CASP1: variants seen among roughly 807,000 people sequenced by gnomAD.
CASP1 encodes the protein caspase-1.
In CASP1, 31 loss-of-function variants were observed where a neutral mutation model predicts 41.2. That is an observed-to-expected ratio of 0.75 (90% CI 0.57 to 1.02). CASP1 has a LOEUF of 1.02. Ranked by LOEUF, CASP1 falls within the 50% of genes least tolerant of loss-of-function variation. CASP1 has a pLI of 0.00. For missense variants in CASP1, 490 were observed against 495.7 expected, an observed-to-expected ratio of 0.99 and a Z score of 0.11; for synonymous variants, 163 against 166.5, an observed-to-expected ratio of 0.98 and a Z score of 0.16.
rs900315276 is a variant in CASP1 at position 105,027,241 on chromosome 11, G to T, written c.1007-290C>A. On this transcript the variant is annotated intron_variant, in intron 7 of 8. Transcript: ENST00000533400. ...ATGGTAATAACTCCATACACAAGAG[G>T]TATCTGAGGTCACGCAAGTGTTTGA... 60 of 576,538 alleles carry T rather than the reference G, an allele frequency of 1.0e-4. No individual in the cohort carries two copies. The East Asian group carries it at 1.5e-3, about 14-fold the overall frequency. 35.7% of individuals were successfully genotyped at this position (576,538 alleles called of 1,614,324 possible). A position where few individuals can be genotyped will look rare whatever the true frequency, so the allele number is the denominator to read the frequency against.
intron 3 of CASP1, among the ~76,000 whole-genome samples, chr11:105,031,723 T>C (rs1243749710): frequency 6.6e-6 from 1 of 152,236 alleles, no homozygotes; most frequent in East Asian, 1.9e-4. Context: ...TTTATCTTTT[T>C]ATTTATTTAC....
chr11:105,030,619 C>T, intron 4 of CASP1, 116 bp from the exon 5 acceptor site: 1 of 810,030 alleles, frequency 1.2e-6, no homozygotes, highest in Non-Finnish European at 1.9e-6. Context: ...ACCCCATGAA[C>T]CATACATTGA....
At chr11:105,032,934 T>G in intron 3 of CASP1, 130 bp downstream of exon 3, 1 of 634,274 alleles carries the variant, frequency 1.6e-6, no homozygotes. Context: ...CAGAATAGAT[T>G]ACAAAAAGAA....
upstream of CASP1, among the ~76,000 whole-genome samples, chr11:105,035,777 A>T (rs1478344736): frequency 1.3e-5 from 2 of 151,922 alleles, no homozygotes; most frequent in Non-Finnish European, 2.9e-5. Context: ...CACCATGGCC[A>T]GCTAATATTT....
Position 105,029,234 on chromosome 11 carries a change from A to C in CASP1, c.896T>G (p.Val299Gly), listed in dbSNP as rs1265447738. 1.2e-6 allele frequency: 2 copies of C among 1,613,164 alleles called. No individual in the cohort carries two copies. The highest frequency in any genetic ancestry group is 2.2e-5 in the South Asian group (2 of 91,060). Reference protein sequence around the residue: ...SPGVVWFKDSVGVSGNLSLPT... With the variant: ...SPGVVWFKDSGGVSGNLSLPT... ...TAAAGATAGGTTTCCAGAAACTCCTACTGAATCTTTAAACCACACCACACC... is the reference window on the plus strand; with the variant it reads ...TAAAGATAGGTTTCCAGAAACTCCTCCTGAATCTTTAAACCACACCACACC... The change falls in exon 7 of 9, where the codon GTA becomes GGA. Residue 299 changes from valine to glycine, a missense_variant. Physicochemically the swap from Val to Gly is moderately radical, Grantham distance 109. Transcript: ENST00000533400.
intron 2 of CASP1, chr11:105,033,757 T>C (rs975551934): frequency 1.2e-4 from 44 of 375,794 alleles, no homozygotes; most frequent in African/African-American, 8.5e-4. Context: ...AAATATATTT[T>C]ATTCTTTTGG....
chr11:105,031,130 C>T (rs369343501), intron 4 of CASP1, 35 bp downstream of exon 4: 2 of 1,227,656 alleles, frequency 1.6e-6, no homozygotes, highest in South Asian at 1.2e-5. Context: ...GTGTTTCTTT[C>T]ACCCCACTCT....
chr11:105,030,915 A>C (rs892880790), intron 4 of CASP1: 3 of 442,882 alleles, frequency 6.8e-6, no homozygotes, highest in Non-Finnish European at 1.2e-5. Flanking sequence ...GCTTAGAACA[A>C]TGCCCATTCT....
At chr11:105,032,859 A>G (rs1265908598) in intron 3 of CASP1, among the ~76,000 whole-genome samples, 1 of 152,174 alleles carries the variant, frequency 6.6e-6, no homozygotes, top group East Asian at 1.9e-4. Flanking sequence ...AGGATTTGAG[A>G]CACAGATTCA....
intron 7 of CASP1, among the ~76,000 whole-genome samples, chr11:105,027,471 T>C (rs545357225): frequency 3.7e-4 from 56 of 152,058 alleles, no homozygotes; most frequent in African/African-American, 1.2e-3. Context: ...CACAGTATAT[T>C]GGAGGAAAAA....
At chr11:105,033,003 C>A in intron 3 of CASP1, 61 bp downstream of exon 3, 2 of 1,057,870 alleles carry the variant, frequency 1.9e-6, no homozygotes, top group East Asian at 4.8e-5. Context: ...TTTGATCCTA[C>A]AAAATTAATG....
intron 7 of CASP1, 128 bp downstream of exon 7, chr11:105,028,996 G>A (rs1863495827): frequency 5.0e-6 from 4 of 793,142 alleles, no homozygotes; most frequent in Non-Finnish European, 8.0e-6. Context: ...TGGATAAAGG[G>A]AATTCTGTGT....
Position 105,030,509 on chromosome 11 carries a change from G to A in CASP1, c.454-6C>T. On this transcript the variant is annotated splice_polypyrimidine_tract_variant and splice_region_variant and intron_variant, in intron 4 of 8. Transcript: ENST00000533400. Reference sequence around the variant, plus strand: ...TTGTCCATTATTGGATAAATCTGTAGGAAATGCAATTTGAATGAACAGCCT... The same window carrying A: ...TTGTCCATTATTGGATAAATCTGTAAGAAATGCAATTTGAATGAACAGCCT... 6.2e-7 allele frequency: 1 copy of A among 1,607,480 alleles called. No homozygotes were observed. The highest frequency in any genetic ancestry group is 8.5e-7 in the Non-Finnish European group (1 of 1,176,956).
chr11:105,027,610 G>A (rs1434182868), intron 7 of CASP1, among the ~76,000 whole-genome samples: 1 of 152,060 alleles, frequency 6.6e-6, no homozygotes, highest in African/African-American at 2.4e-5. Flanking sequence ...AGCTCTGTAT[G>A]TAATGACAGA....
Position 105,034,316 on chromosome 11 carries a change from C to G in CASP1, c.166G>C (p.Ala56Pro). The change falls in exon 2 of 9, where the codon GCT becomes CCT. Residue 56 changes from alanine to proline, a missense_variant. Physicochemically the swap from Ala to Pro is conservative, Grantham distance 27 (BLOSUM62 -1). Coordinates refer to ENST00000533400, the MANE Select transcript of CASP1 (RefSeq NM_001257118.3). ...TTCGGAATAACGGAGTCAATCAAAGCTCGGGTCTTATCCATAACTGTAGCA... is the reference window on the plus strand; with the variant it reads ...TTCGGAATAACGGAGTCAATCAAAGGTCGGGTCTTATCCATAACTGTAGCA... ...ENATVMDKTRALIDSVIPKGA... is the reference protein window; with the variant it reads ...ENATVMDKTRPLIDSVIPKGA... The G allele has an allele frequency of 2.5e-6, 4 of 1,614,132 alleles. No individual in the cohort carries two copies. Among genetic ancestry groups the G allele is most frequent in the Non-Finnish European group, 3.4e-6 (4 of 1,180,000 alleles).
At chr11:105,029,634 G>T in intron 6 of CASP1, 31 bp downstream of exon 6, 3 of 1,485,544 alleles carry the variant, frequency 2.0e-6, no homozygotes, top group Non-Finnish European at 2.8e-6. Context: ...GTATTTGATT[G>T]TCTGGTGTTC....
At chr11:105,031,644 A>G (rs992758011) in intron 3 of CASP1, among the ~76,000 whole-genome samples, 13 of 152,192 alleles carry the variant, frequency 8.5e-5, no homozygotes, top group Non-Finnish European at 1.9e-4. Flanking sequence ...AAAATATTCA[A>G]ACCCTAGGAT....
intron 7 of CASP1, 119 bp downstream of exon 7, chr11:105,029,005 G>A: frequency 1.1e-6 from 1 of 876,448 alleles, no homozygotes; most frequent in Non-Finnish European, 1.8e-6. Context: ...GGAATTCTGT[G>A]TATAACTTGG....
chr11:105,034,301 C>T lies in CASP1; in HGVS notation c.181G>A (p.Val61Ile), dbSNP rs147322917. Residue 61 changes from valine (V) to isoleucine (I), a missense_variant, in exon 2 of 9, where the codon GTT (valine) becomes ATT (isoleucine). Val to Ile is a conservative substitution (Grantham distance 29). Transcript: ENST00000533400. ...CATGCCTGTGCCCCTTTCGGAATAA[C>T]GGAGTCAATCAAAGCTCGGGTCTTA... is the stretch of plus-strand genomic sequence containing the variant. The part of the protein sequence containing the change: ...MDKTRALIDS[V>I]IPKGAQACQI... 2.8e-3 allele frequency: 4,499 copies of T among 1,614,122 alleles called. 73 individuals carry two copies. The highest frequency in any genetic ancestry group is 1.2e-3 in the Non-Finnish European group (1,414 of 1,180,000).
Sources: gnomAD v4.1 joint callset for allele counts (sites outside exome capture counted in the v4.1 genomes callset) on GRCh38, gnomAD v4.1.1 for gene constraint, MANE v1.5 for transcripts, NCBI Gene and HGNC (gene_info 2026-07-23, HGNC 2026-07-21) for gene names.